Variants in CLEC16A observed in about 807,000 individuals in gnomAD.
CLEC16A encodes the protein C-type lectin domain containing 16A.
In CLEC16A, 51 loss-of-function variants were observed where a neutral mutation model predicts 109.5. That is an observed-to-expected ratio of 0.47 (90% CI 0.37 to 0.59). The LOEUF is 0.59. Among genes scored for constraint, CLEC16A ranks in the 20% least tolerant of loss-of-function variants. The pLI, the probability that CLEC16A is intolerant of heterozygous loss-of-function variation, is 0.00. For missense variants in CLEC16A, 1,339 were observed against 1,394.0 expected (o/e 0.96, Z 0.63); for synonymous variants, 673 against 564.2 (o/e 1.19, Z -2.73).
intron 22 of CLEC16A, among the ~76,000 whole-genome samples, chr16:11,140,050 G>A (rs985577700): frequency 6.6e-6 from 1 of 152,228 alleles, no homozygotes; most frequent in African/African-American, 2.4e-5. Flanking sequence ...TGGAGAGGGT[G>A]CCTGCTTCTT....
chr16:11,036,693 G>T (rs375742675), intron 13 of CLEC16A, among the ~76,000 whole-genome samples: 4 of 152,078 alleles, frequency 2.6e-5, no homozygotes, highest in South Asian at 4.2e-4. Flanking sequence ...GGTACTACAG[G>T]CATGTGCACT....
chr16:11,039,147 TC>T (rs1181761920), intron 13 of CLEC16A, among the ~76,000 whole-genome samples: 1 of 152,034 alleles, frequency 6.6e-6, no homozygotes, highest in Non-Finnish European at 1.5e-5. Flanking sequence ...TGGGATGGTG[TC>T]CCCTTTTTCT....
chr16:11,155,543 A>C (rs2054478888), intron 22 of CLEC16A, among the ~76,000 whole-genome samples: 1 of 152,238 alleles, frequency 6.6e-6, no homozygotes. Flanking sequence ...CTGTCCACTT[A>C]ACAACCTCAG....
At chr16:11,046,723 A>G (rs2047653416) in intron 16 of CLEC16A, among the ~76,000 whole-genome samples, 1 of 152,210 alleles carries the variant, frequency 6.6e-6, no homozygotes. Context: ...GGTTATGTGT[A>G]TCAGAACCAA....
chr16:11,163,754 C>T (rs1383365062), intron 22 of CLEC16A, among the ~76,000 whole-genome samples: 1 of 152,176 alleles, frequency 6.6e-6, no homozygotes, highest in African/African-American at 2.4e-5. Flanking sequence ...ACGGCTATGT[C>T]ATTGATCCCT....
chr16:11,172,710 G>A (rs2068573800), intron 23 of CLEC16A, among the ~76,000 whole-genome samples: 1 of 152,044 alleles, frequency 6.6e-6, no homozygotes, highest in Non-Finnish European at 1.5e-5. Flanking sequence ...CCAACATGGT[G>A]AACCCCCATC....
intron 22 of CLEC16A, among the ~76,000 whole-genome samples, chr16:11,148,975 C>T (rs1358993372): frequency 6.6e-6 from 1 of 152,190 alleles, no homozygotes; most frequent in Non-Finnish European, 1.5e-5. Flanking sequence ...GAAGAAAAAA[C>T]TAATAGAGTT....
intron 13 of CLEC16A, among the ~76,000 whole-genome samples, chr16:11,036,834 C>G (rs980016807): frequency 2.6e-5 from 4 of 152,176 alleles, no homozygotes; most frequent in Non-Finnish European, 4.4e-5. Context: ...AAAACATGAG[C>G]CACCGTGCCC....
intron 3 of CLEC16A, among the ~76,000 whole-genome samples, chr16:10,967,602 G>A (rs1429966291): frequency 1.3e-5 from 2 of 152,102 alleles, no homozygotes; most frequent in African/African-American, 2.4e-5. Context: ...TAACATTATC[G>A]AGTGCTTGCA....
chr16:10,965,153 C>A (rs2042440449), intron 3 of CLEC16A, among the ~76,000 whole-genome samples: 1 of 152,182 alleles, frequency 6.6e-6, no homozygotes, highest in African/African-American at 2.4e-5. Flanking sequence ...CTTTTCTTGT[C>A]CTGGCACCGA....
At chr16:11,044,316 T>A in intron 16 of CLEC16A, 1 of 344,992 alleles carries the variant, frequency 2.9e-6, no homozygotes, top group Non-Finnish European at 5.2e-6. Context: ...TGTTTCTCAG[T>A]AATACATGGA....
At chr16:11,026,279 C>A (rs1045502122) in intron 13 of CLEC16A, among the ~76,000 whole-genome samples, 1 of 152,136 alleles carries the variant, frequency 6.6e-6, no homozygotes, top group Admixed American at 6.5e-5. Flanking sequence ...CCAGTGAAGC[C>A]ATCTGAATAT....
chr16:11,102,716 C>G (rs775480186), intron 19 of CLEC16A, among the ~76,000 whole-genome samples: 18 of 152,250 alleles, frequency 1.2e-4, no homozygotes, highest in Admixed American at 5.9e-4. Context: ...CAGGCCCCTT[C>G]TCCATCTCAG....
intron 23 of CLEC16A, among the ~76,000 whole-genome samples, chr16:11,168,205 C>T (rs899935774): frequency 5.9e-5 from 9 of 152,198 alleles, no homozygotes; most frequent in African/African-American, 2.2e-4. Flanking sequence ...TCTGCACTTT[C>T]CCAGGGCCTG....
chr16:11,006,059 G>T (rs542830639), intron 11 of CLEC16A, among the ~76,000 whole-genome samples: 2 of 151,856 alleles, frequency 1.3e-5, no homozygotes, highest in Non-Finnish European at 2.9e-5. Flanking sequence ...GGTGTTTATT[G>T]TTCATGTTCC....
At position 11,085,303 on chromosome 16, in the gene CLEC16A, C is replaced by G. The variant is rs75427008; in HGVS notation, c.2116+24281C>G. Among the ~76,000 whole-genome samples, 419 of 152,350 alleles carry G rather than the reference C, an allele frequency of 2.8e-3. 2 individuals carry two copies. The highest frequency in any genetic ancestry group is 0.027 in the Middle Eastern group (8 of 294). ...AGGCCTTAATTGGATGGTCAGAGGG[C>G]ACATCTGTGGCTTATAAGAAACAGA... On this transcript the variant is annotated intron_variant, in intron 19 of 23. Transcript: ENST00000409790.
chr16:10,994,360 TATACATCACCCTGGG>T (rs1315653117), intron 10 of CLEC16A, among the ~76,000 whole-genome samples: 1 of 152,204 alleles, frequency 6.6e-6, no homozygotes, highest in African/African-American at 2.4e-5. Flanking sequence ...GGCATATGTC[TATACATCACCCTGGG>T]GTACATCACC....
chr16:10,999,296 A>G (rs540260012), intron 10 of CLEC16A, among the ~76,000 whole-genome samples: 1 of 152,300 alleles, frequency 6.6e-6, no homozygotes, highest in Admixed American at 6.5e-5. Flanking sequence ...AAAAGGTATA[A>G]AATAAAAAAA....
chr16:10,947,782 C>T (rs2041469519), intron 1 of CLEC16A, among the ~76,000 whole-genome samples: 1 of 152,216 alleles, frequency 6.6e-6, no homozygotes, highest in Non-Finnish European at 1.5e-5. Flanking sequence ...GTTCTTAATA[C>T]ACTCTTACCT....
Sources: allele counts gnomAD v4.1 joint callset (sites outside exome capture counted in the v4.1 genomes callset), GRCh38; gene constraint gnomAD v4.1.1; transcripts MANE v1.5; gene names NCBI Gene and HGNC (gene_info 2026-07-23, HGNC 2026-07-21).